PGAP4: variants seen among roughly 807,000 people sequenced by gnomAD.
PGAP4 encodes the protein post-GPI attachment to proteins GalNAc transferase 4, also known as GPI-N-acetylgalactosamine transferase PGAP4.
A neutral mutation model predicts 28.2 loss-of-function variants in PGAP4; 12 were observed. That is an observed-to-expected ratio of 0.42 (90% CI 0.27 to 0.69). The LOEUF is 0.69. PGAP4 is among the 30% of genes least tolerant of loss of function. The pLI, the probability that PGAP4 is intolerant of heterozygous loss-of-function variation, is 0.22. For missense variants in PGAP4, 425 were observed against 513.5 expected, an observed-to-expected ratio of 0.83 and a Z score of 1.67; for synonymous variants, 205 against 211.8, an observed-to-expected ratio of 0.97 and a Z score of 0.28.
intron 2 of PGAP4, among the ~76,000 whole-genome samples, chr9:101,516,614 A>G (rs1365840726): frequency 2.0e-5 from 3 of 152,132 alleles, no homozygotes; most frequent in African/African-American, 4.8e-5. Context: ...ATATGACTTT[A>G]TCTTATTTTT....
intron 2 of PGAP4, among the ~76,000 whole-genome samples, chr9:101,510,801 G>A (rs903030472): frequency 5.3e-5 from 8 of 152,082 alleles, no homozygotes; most frequent in South Asian, 2.1e-4. Context: ...CGGGCCACAC[G>A]TGGACTAAAA....
At chr9:101,516,209 T>C (rs1486595526) in intron 2 of PGAP4, among the ~76,000 whole-genome samples, 1 of 152,180 alleles carries the variant, frequency 6.6e-6, no homozygotes, top group Non-Finnish European at 1.5e-5. Context: ...TGATTCTTTC[T>C]TTTTTTGCCT....
In PGAP4 at chr9:101,475,530, T is replaced by C. The variant is rs1277431920; in HGVS notation, c.*351A>G. 1 of 263,570 alleles carries C rather than the reference T, an allele frequency of 3.8e-6. No homozygotes were observed. Among genetic ancestry groups the C allele is most frequent in the Non-Finnish European group, 7.2e-6 (1 of 138,646 alleles). The allele number at this position is 263,570 out of a possible 1,614,324, so 16.3% of individuals were successfully genotyped here. A position where few individuals can be genotyped will look rare whatever the true frequency, so the allele number is the denominator to read the frequency against. On this transcript the variant is annotated 3_prime_UTR_variant, in exon 2 of 2. Transcript: ENST00000374848. ...CCCTTAAGATCCTAAAACAGTCATA[T>C]CACTGTGCACAAAATTTTTGGCAGT...
chr9:101,486,655 C>T lies in PGAP4; in HGVS notation c.-78+294G>A, dbSNP rs540047837. 6.6e-6 allele frequency among the ~76,000 whole-genome samples: 1 copy of T among 152,286 alleles called. No individual in the cohort carries two copies. Among genetic ancestry groups the T allele is most frequent in the Admixed American group, 6.5e-5 (1 of 15,312 alleles). On this transcript the variant is annotated intron_variant, in intron 1 of 1. Transcript: ENST00000374848. The surrounding 1 kb of genome is among the most constrained non-coding windows in gnomAD (Gnocchi z 4.7). ...AAGGGCCAGGGAGGCGCCCCCGAGACACTCAACCATCCCCGCACTGATGCG... is the reference window on the plus strand; with the variant it reads ...AAGGGCCAGGGAGGCGCCCCCGAGATACTCAACCATCCCCGCACTGATGCG...
chr9:101,509,605 C>A (rs980063392), intron 2 of PGAP4, among the ~76,000 whole-genome samples: 1 of 152,186 alleles, frequency 6.6e-6, no homozygotes, highest in Non-Finnish European at 1.5e-5. Flanking sequence ...CATCTCCTCA[C>A]AGAGCTGCAC....
intron 2 of PGAP4, among the ~76,000 whole-genome samples, chr9:101,511,695 A>G (rs1401163027): frequency 1.3e-5 from 2 of 152,146 alleles, no homozygotes; most frequent in African/African-American, 2.4e-5. Context: ...ATTATTTATA[A>G]TCAGTGCTTA....
At chr9:101,501,706 T>C (rs547343430) in intron 2 of PGAP4, 35 of 519,274 alleles carry the variant, frequency 6.7e-5, no homozygotes, top group Middle Eastern at 6.6e-4. Context: ...AGAACTTGTA[T>C]AGATCATTGG....
intron 2 of PGAP4, among the ~76,000 whole-genome samples, chr9:101,492,633 T>C (rs1053051637): frequency 3.3e-5 from 5 of 152,154 alleles, no homozygotes; most frequent in Admixed American, 6.5e-5. Context: ...TTGACTTGCC[T>C]GGTCTCAAAT....
chr9:101,501,878 T>G (rs1053635400), intron 2 of PGAP4: 4 of 441,756 alleles, frequency 9.1e-6, no homozygotes, highest in African/African-American at 2.0e-5. Flanking sequence ...GATGATCTGG[T>G]GGAACATGTT....
intron 2 of PGAP4, chr9:101,531,182 T>TA (rs1295957523): frequency 1.4e-5 from 2 of 145,776 alleles, no homozygotes; most frequent in African/African-American, 5.2e-5. Flanking sequence ...TCTCTCTTTC[T>TA]CAAATCTCTT....
At chr9:101,495,628 T>C (rs975374066) in intron 2 of PGAP4, among the ~76,000 whole-genome samples, 1 of 149,266 alleles carries the variant, frequency 6.7e-6, no homozygotes, top group South Asian at 2.1e-4. Context: ...CATGGCTAAA[T>C]AACATGTATT....
At chr9:101,505,368 A>C (rs1348569362) in intron 2 of PGAP4, among the ~76,000 whole-genome samples, 1 of 152,104 alleles carries the variant, frequency 6.6e-6, no homozygotes, top group Non-Finnish European at 1.5e-5. Context: ...GACAGATAGA[A>C]GCTTCTAAGA....
upstream of PGAP4, among the ~76,000 whole-genome samples, chr9:101,487,401 G>A (rs1826642667): frequency 1.3e-5 from 2 of 152,228 alleles, no homozygotes; most frequent in African/African-American, 4.8e-5. Context: ...TGAGAAAGCT[G>A]TTACTTTGGG....
At chr9:101,516,054 T>C (rs867738500) in intron 2 of PGAP4, among the ~76,000 whole-genome samples, 1 of 152,150 alleles carries the variant, frequency 6.6e-6, no homozygotes, top group African/African-American at 2.4e-5. Flanking sequence ...AATACAATTA[T>C]GATTTGTCAA....
intron 2 of PGAP4, among the ~76,000 whole-genome samples, chr9:101,509,241 C>CT (rs1427063062): frequency 6.6e-6 from 1 of 152,190 alleles, no homozygotes; most frequent in African/African-American, 2.4e-5. Flanking sequence ...CTGGCTCAGT[C>CT]TCTCTCAAAG....
At chr9:101,516,506 T>A (rs184710583) in intron 2 of PGAP4, among the ~76,000 whole-genome samples, 15 of 152,330 alleles carry the variant, frequency 9.8e-5, no homozygotes, top group Admixed American at 8.5e-4. Context: ...GCCAAATGAT[T>A]GGAATTGTTT....
intron 2 of PGAP4, among the ~76,000 whole-genome samples, chr9:101,500,096 G>GTTTTGCC (rs923009619): frequency 6.6e-6 from 1 of 151,922 alleles, no homozygotes; most frequent in Admixed American, 6.6e-5. Flanking sequence ...GCATGTATTT[G>GTTTTGCC]TTTTGCCTCT....
At chr9:101,526,724 C>T (rs1827038585) in intron 2 of PGAP4, among the ~76,000 whole-genome samples, 1 of 152,328 alleles carries the variant, frequency 6.6e-6, no homozygotes, top group East Asian at 1.9e-4. Flanking sequence ...CCTGGAATTA[C>T]AGGCATGAGC....
intron 2 of PGAP4, among the ~76,000 whole-genome samples, chr9:101,525,504 C>T (rs1382132421): frequency 5.3e-5 from 8 of 151,332 alleles, no homozygotes; most frequent in Non-Finnish European, 1.0e-4. Flanking sequence ...GTCGGGAGTT[C>T]GAGACCAGCC....
Sources: gnomAD v4.1 joint callset for allele counts (sites outside exome capture counted in the v4.1 genomes callset) on GRCh38, gnomAD v4.1.1 for gene constraint, Gnocchi (gnomAD v3.1) non-coding constraint, MANE v1.5 for transcripts, NCBI Gene and HGNC (gene_info 2026-07-23, HGNC 2026-07-21) for gene names.